Variants in CDH23 observed in about 807,000 individuals in gnomAD.
The protein encoded by CDH23 is cadherin-23.
In CDH23, 189 loss-of-function variants were observed where a neutral mutation model predicts 317.1. That is an observed-to-expected ratio of 0.60 (90% CI 0.53 to 0.67). CDH23 has a LOEUF of 0.67. Among genes scored for constraint, CDH23 ranks in the 30% least tolerant of loss-of-function variants. The pLI is 0.00. For synonymous variants in CDH23, 1,839 were observed against 1,876.8 expected, an observed-to-expected ratio of 0.98 and a Z score of 0.52; for missense variants, 4,401 against 4,592.4, an observed-to-expected ratio of 0.96 and a Z score of 1.20.
intron 9 of CDH23, among the ~76,000 whole-genome samples, chr10:71,590,893 AAAAC>A (rs759142887): frequency 0.017 from 2,363 of 140,488 alleles, 262 homozygotes; most frequent in African/African-American, 0.057. Flanking sequence ...AAAACAAAAA[AAAAC>A]AAAAAAAAAC....
intron 22 of CDH23, among the ~76,000 whole-genome samples, chr10:71,699,179 T>C (rs1355357013): frequency 1.3e-5 from 2 of 152,238 alleles, no homozygotes; most frequent in African/African-American, 4.8e-5. Flanking sequence ...ACATTGTAGG[T>C]GTTCAAAATA....
rs1226986953 is a variant in CDH23, at chr10:71,815,876, C to A, written c.*598C>A. The A allele has an allele frequency of 6.4e-6, 1 of 157,084 alleles. No individual in the cohort carries two copies. The highest frequency in any genetic ancestry group is 1.4e-5 in the Non-Finnish European group (1 of 70,692). 9.7% of individuals were successfully genotyped at this position (157,084 alleles called of 1,614,324 possible). A position where few individuals can be genotyped will look rare whatever the true frequency, so the allele number is the denominator to read the frequency against. On this transcript the variant is annotated 3_prime_UTR_variant, in exon 70 of 70. Coordinates refer to ENST00000224721, the MANE Select transcript of CDH23 (RefSeq NM_022124.6). ...GTGCCCAGCTTATAAACAGAAGTGA[C>A]TGATGTTCCCTCCGGTTTTGAATGT...
At chr10:71,584,941 A>C (rs1186329596) in intron 9 of CDH23, among the ~76,000 whole-genome samples, 1 of 152,198 alleles carries the variant, frequency 6.6e-6, no homozygotes, top group African/African-American at 2.4e-5. Flanking sequence ...GAGGGGTGGC[A>C]GGACATTTGC....
rs1842092813 is a variant in CDH23, at chr10:71,815,172, C to G, written c.9959C>G (p.Ala3320Gly). The change falls in exon 70 of 70, where the codon GCC (alanine) becomes GGC (glycine). Residue 3320 changes from alanine to glycine, a missense_variant. Transcript: ENST00000224721. ...RSLETLTAAE[A>G]TAFERNARTE... ...CTGGAGACGCTGACCGCTGCCGAGG[C>G]CACTGCCTTCGAGCGCAACGCCCGC... 1.2e-6 allele frequency: 2 copies of G among 1,611,448 alleles called. No individual in the cohort carries two copies. The highest frequency in any genetic ancestry group is 1.3e-5 in the African/African-American group (1 of 75,032).
chr10:71,495,554 C>T (rs1589135487), intron 3 of CDH23, among the ~76,000 whole-genome samples: 1 of 151,880 alleles, frequency 6.6e-6, no homozygotes, highest in East Asian at 1.9e-4. Context: ...AATCTTAAGC[C>T]GGGCACGGTG....
chr10:71,566,286 G>T (rs1286703498), intron 6 of CDH23, among the ~76,000 whole-genome samples: 1 of 152,092 alleles, frequency 6.6e-6, no homozygotes, highest in African/African-American at 2.4e-5. Context: ...TTGTTCTCCG[G>T]AGGCCCTTTC....
At chr10:71,577,457 T>C (rs932650255) in intron 8 of CDH23, among the ~76,000 whole-genome samples, 1 of 152,138 alleles carries the variant, frequency 6.6e-6, no homozygotes, top group South Asian at 2.1e-4. Context: ...CACCATGTTC[T>C]CCTTTATTCA....
chr10:71,746,967 T>C (rs1839866640), intron 38 of CDH23, among the ~76,000 whole-genome samples: 1 of 152,190 alleles, frequency 6.6e-6, no homozygotes, highest in African/African-American at 2.4e-5. Context: ...TTTATTAGAC[T>C]TGGACCCTGC....
chr10:71,590,483 G>A (rs1444169227), intron 9 of CDH23, among the ~76,000 whole-genome samples: 3 of 152,080 alleles, frequency 2.0e-5, no homozygotes, highest in African/African-American at 4.8e-5. Context: ...TCACTTGTAG[G>A]ATCACGTCAT....
intron 24 of CDH23, among the ~76,000 whole-genome samples, chr10:71,704,507 T>G (rs1401597837): frequency 6.6e-6 from 1 of 152,172 alleles, no homozygotes; most frequent in East Asian, 1.9e-4. Context: ...GCAGGGGAAG[T>G]CTGTGAATCC....
rs897224989 is a variant in CDH23 at position 71,705,250 on chromosome 10, G to C, written c.2953+120G>C. ...CTGTCTATTGGACTTGTAGGCACAGGCTCCCTTGTTAATGAGGTGCCCTCC... is the reference window on the plus strand; with the variant it reads ...CTGTCTATTGGACTTGTAGGCACAGCCTCCCTTGTTAATGAGGTGCCCTCC... On this transcript the variant is annotated intron_variant, in intron 25 of 69. Coordinates refer to ENST00000224721, the MANE Select transcript of CDH23 (RefSeq NM_022124.6). The C allele has an allele frequency of 5.8e-5, 55 of 952,108 alleles. 1 individual carries two copies. The highest frequency in any genetic ancestry group is 7.5e-5 in the Non-Finnish European group (49 of 652,486). 59.0% of individuals were successfully genotyped at this position (952,108 alleles called of 1,614,324 possible).
rs201783407 is a variant in CDH23 at position 71,617,270 on chromosome 10, G to T, written c.1011G>T (p.Leu337=). The stretch of plus-strand genomic sequence containing the variant: ...CAGTCACCACGACCTTCAATATCCT[G>T]GTTATTGACATCAATGACAATGCCC... ...DATVTTTFNI[L]VIDINDNAPE... is the part of the protein sequence containing the mutation. The change falls in exon 11 of 70, where the codon CTG becomes CTT. Residue 337 remains leucine, a synonymous_variant. Coordinates refer to ENST00000224721, the MANE Select transcript of CDH23 (RefSeq NM_022124.6). 14 of 1,614,016 alleles carry T rather than the reference G, an allele frequency of 8.7e-6. No individual in the cohort carries two copies. The African/African-American group carries it at 1.7e-4, about 20-fold the overall frequency.
At chr10:71,652,373 A>G (rs907078661) in intron 14 of CDH23, among the ~76,000 whole-genome samples, 2 of 152,132 alleles carry the variant, frequency 1.3e-5, no homozygotes, top group African/African-American at 4.8e-5. Flanking sequence ...CTTTTTTCCT[A>G]TGAAATGGGA....
intron 8 of CDH23, among the ~76,000 whole-genome samples, chr10:71,575,463 G>A (rs1177382378): frequency 6.6e-6 from 1 of 152,184 alleles, no homozygotes; most frequent in Non-Finnish European, 1.5e-5. Context: ...CAAAGGATTC[G>A]AGCGCACGCA....
intron 38 of CDH23, among the ~76,000 whole-genome samples, chr10:71,767,818 G>C (rs1840590060): frequency 6.6e-6 from 1 of 152,248 alleles, no homozygotes. Flanking sequence ...AAGGGGGCTG[G>C]GAAGGGGAAG....
At chr10:71,499,323 A>G (rs1369472835) in intron 3 of CDH23, among the ~76,000 whole-genome samples, 1 of 152,246 alleles carries the variant, frequency 6.6e-6, no homozygotes, top group Non-Finnish European at 1.5e-5. Context: ...GCACTTTGGG[A>G]GGCTGAGGCA....
At chr10:71,545,883 G>A (rs1034956099) in intron 6 of CDH23, among the ~76,000 whole-genome samples, 14 of 152,180 alleles carry the variant, frequency 9.2e-5, no homozygotes, top group African/African-American at 3.4e-4. Flanking sequence ...CAGAGTGATT[G>A]CAGAGGCCAC....
At chr10:71,595,599 C>T (rs994384799) in intron 9 of CDH23, among the ~76,000 whole-genome samples, 1 of 152,200 alleles carries the variant, frequency 6.6e-6, no homozygotes, top group African/African-American at 2.4e-5. Context: ...CACTGAATCC[C>T]TGGGAATCTG....
At chr10:71,634,954 G>T (rs938982789) in intron 11 of CDH23, among the ~76,000 whole-genome samples, 1 of 152,240 alleles carries the variant, frequency 6.6e-6, no homozygotes, top group East Asian at 1.9e-4. Context: ...GACTGCTCTA[G>T]TCCCTAGAGG....
Sources: gnomAD v4.1 joint callset for allele counts (sites outside exome capture counted in the v4.1 genomes callset) on GRCh38, gnomAD v4.1.1 for gene constraint, MANE v1.5 for transcripts, NCBI Gene and HGNC (gene_info 2026-07-23, HGNC 2026-07-21) for gene names.